The following CRISPLD2 variants were observed in gnomAD, a reference collection of about 807,000 sequenced individuals.
The protein encoded by CRISPLD2 is cysteine rich secretory protein LCCL domain containing 2.
A neutral mutation model predicts 71.1 loss-of-function variants in CRISPLD2; 47 were observed. The observed-to-expected ratio is 0.66, with a 90% CI of 0.52 to 0.84. The LOEUF (loss-of-function observed/expected upper bound fraction) is 0.84, where lower values mean the gene tolerates loss of function less well. CRISPLD2 is among the 40% of genes least tolerant of loss of function. CRISPLD2 has a pLI of 0.00. For synonymous variants in CRISPLD2, 317 were observed against 250.1 expected, an observed-to-expected ratio of 1.27 and a Z score of -2.52; for missense variants, 830 against 651.1, an observed-to-expected ratio of 1.27 and a Z score of -2.99.
rs1009720868 is a variant in CRISPLD2 at position 84,896,186 on chromosome 16, C to G, written c.1439+6823C>G. On this transcript the variant is annotated intron_variant, in intron 14 of 14. Transcript: ENST00000262424. The stretch of plus-strand genomic sequence containing the variant: ...CCAGGTAGCTGGGATTACAGGCACC[C>G]GCCACCACACCTGGCTAATTTTTTT... Among the ~76,000 whole-genome samples the G allele has an allele frequency of 7.2e-4, 109 of 151,926 alleles. 1 individual carries two copies. The highest frequency in any genetic ancestry group is 2.6e-3 in the African/African-American group (106 of 41,438).
chr16:84,898,142 G>C (rs978869929), intron 14 of CRISPLD2, among the ~76,000 whole-genome samples: 1 of 151,992 alleles, frequency 6.6e-6, no homozygotes. Flanking sequence ...ACATTTTTGC[G>C]CAAGCCTGTG....
intron 6 of CRISPLD2, among the ~76,000 whole-genome samples, chr16:84,859,830 T>C (rs1301797865): frequency 1.3e-5 from 2 of 152,242 alleles, no homozygotes; most frequent in Non-Finnish European, 2.9e-5. Flanking sequence ...TTTTGATGGT[T>C]GAGTGCTGCC....
chr16:84,896,360 C>G (rs528338430), intron 14 of CRISPLD2, among the ~76,000 whole-genome samples: 52 of 151,788 alleles, frequency 3.4e-4, no homozygotes, highest in African/African-American at 1.2e-3. Flanking sequence ...GGATTGGAAT[C>G]CTTTAAAAAA....
Position 84,850,664 on chromosome 16 carries a change from G to C in CRISPLD2, c.589G>C (p.Val197Leu). The C allele has an allele frequency of 2.5e-6, 4 of 1,614,014 alleles. No individual in the cohort carries two copies. The highest frequency in any genetic ancestry group is 3.4e-6 in the Non-Finnish European group (4 of 1,179,878). ...AGTTTGGGAGAACGCGGTCTACTTT[G>C]TCTGCAATTATTCTCCAAAGTAAGA... The part of the protein sequence containing the change: ...GEVWENAVYF[V>L]CNYSPKGNWI... Residue 197 changes from valine to leucine, a missense_variant, in exon 5 of 15, where the codon GTC becomes CTC. Transcript: ENST00000262424.
At chr16:84,877,163 A>G (rs1344663765) in intron 11 of CRISPLD2, among the ~76,000 whole-genome samples, 1 of 152,178 alleles carries the variant, frequency 6.6e-6, no homozygotes, top group African/African-American at 2.4e-5. Context: ...TAAGAAAGTC[A>G]CCATTCAGAT....
At chr16:84,847,159 G>A (rs545686201) in intron 3 of CRISPLD2, among the ~76,000 whole-genome samples, 7 of 152,306 alleles carry the variant, frequency 4.6e-5, no homozygotes, top group African/African-American at 1.7e-4. Flanking sequence ...TTAAAATGTA[G>A]GTGAGCGTTT....
chr16:84,868,384 C>G (rs528691780), intron 7 of CRISPLD2, among the ~76,000 whole-genome samples: 2 of 152,340 alleles, frequency 1.3e-5, no homozygotes, highest in East Asian at 3.9e-4. Context: ...CAAAAGGCAT[C>G]TTGGCGATGG....
intron 11 of CRISPLD2, 90 bp from the exon 12 acceptor site, chr16:84,877,348 C>G (rs12597438): frequency 2.5e-6 from 3 of 1,188,896 alleles, no homozygotes; most frequent in Non-Finnish European, 3.7e-6. Flanking sequence ...CCCATAGGCC[C>G]TGGTAGTCTA....
At chr16:84,835,001 C>T (rs534841335) in intron 1 of CRISPLD2, among the ~76,000 whole-genome samples, 1 of 152,260 alleles carries the variant, frequency 6.6e-6, no homozygotes, top group South Asian at 2.1e-4. Context: ...CAGCTCAAAC[C>T]CATAGCTGTG....
At chr16:84,890,989 A>C (rs756847794) in intron 14 of CRISPLD2, among the ~76,000 whole-genome samples, 6 of 151,588 alleles carry the variant, frequency 4.0e-5, no homozygotes, top group Non-Finnish European at 5.9e-5. Context: ...CTGGTCTCCA[A>C]CTCCTGACCT....
At chr16:84,876,869 C>G (rs370954116) in intron 11 of CRISPLD2, among the ~76,000 whole-genome samples, 3 of 152,316 alleles carry the variant, frequency 2.0e-5, no homozygotes, top group Non-Finnish European at 2.9e-5. Context: ...CACAGGTGGC[C>G]AGTATTAGAA....
chr16:84,898,355 C>T (rs548730378), intron 14 of CRISPLD2, among the ~76,000 whole-genome samples: 1 of 152,304 alleles, frequency 6.6e-6, no homozygotes, highest in African/African-American at 2.4e-5. Context: ...GCAGCTGCTT[C>T]GGCCCCTGCC....
At position 84,889,213 on chromosome 16, in the gene CRISPLD2, C is replaced by A; in HGVS notation, c.1306-17C>A. 6.2e-7 allele frequency: 1 copy of A among 1,613,960 alleles called. No homozygotes were observed. Among genetic ancestry groups the A allele is most frequent in the East Asian group, 2.2e-5 (1 of 44,870 alleles). Reference sequence around the variant, plus strand: ...TGGAATCCGCATCGCTGATCACAGCCCTTCCTGTGCTTCCAGACCTCAAGC... The same window carrying A: ...TGGAATCCGCATCGCTGATCACAGCACTTCCTGTGCTTCCAGACCTCAAGC... On this transcript the variant is annotated splice_polypyrimidine_tract_variant and intron_variant, in intron 13 of 14. Coordinates refer to ENST00000262424, the MANE Select transcript of CRISPLD2 (RefSeq NM_031476.4).
intron 13 of CRISPLD2, among the ~76,000 whole-genome samples, chr16:84,882,929 C>T (rs1275162889): frequency 6.6e-6 from 1 of 152,186 alleles, no homozygotes; most frequent in African/African-American, 2.4e-5. Context: ...TTGATGTTAC[C>T]TGCATTCATA....
chr16:84,897,338 G>C (rs192569035), intron 14 of CRISPLD2, among the ~76,000 whole-genome samples: 2 of 151,308 alleles, frequency 1.3e-5, no homozygotes, highest in South Asian at 2.1e-4. Flanking sequence ...TGTAGTCCCA[G>C]GTACTTGGGA....
chr16:84,835,808 G>A (rs1378845040), intron 1 of CRISPLD2, among the ~76,000 whole-genome samples: 1 of 152,202 alleles, frequency 6.6e-6, no homozygotes, highest in Non-Finnish European at 1.5e-5. Context: ...CAGAACAAAG[G>A]CGGCCAGTCA....
chr16:84,884,217 T>C (rs2071592412), intron 13 of CRISPLD2, among the ~76,000 whole-genome samples: 1 of 152,206 alleles, frequency 6.6e-6, no homozygotes, highest in Admixed American at 6.5e-5. Context: ...GACAGATTGC[T>C]GGCTCCGGGT....
At chr16:84,887,421 C>T (rs774200680) in intron 13 of CRISPLD2, among the ~76,000 whole-genome samples, 6 of 152,216 alleles carry the variant, frequency 3.9e-5, no homozygotes, top group Non-Finnish European at 7.3e-5. Context: ...GAGGCAAGAC[C>T]GGAGTCCGTC....
intron 2 of CRISPLD2, among the ~76,000 whole-genome samples, chr16:84,841,574 G>A (rs1038005123): frequency 3.9e-5 from 6 of 151,976 alleles, no homozygotes; most frequent in African/African-American, 1.2e-4. Context: ...TTTTTTGCGG[G>A]AGAGGATGCA....
Sources: allele counts gnomAD v4.1 joint callset (sites outside exome capture counted in the v4.1 genomes callset), GRCh38; gene constraint gnomAD v4.1.1; transcripts MANE v1.5; gene names NCBI Gene and HGNC (gene_info 2026-07-23, HGNC 2026-07-21).